Variants in SYT1 observed in about 807,000 individuals in gnomAD.
The protein encoded by SYT1 is synaptotagmin-1.
Under a neutral mutation model 44.8 loss-of-function variants are expected in SYT1, and 8 were observed. That is an observed-to-expected ratio of 0.18 (90% CI 0.10 to 0.32). The LOEUF (loss-of-function observed/expected upper bound fraction) is 0.32. SYT1 is among the 10% of genes least tolerant of loss of function. The probability of loss-of-function intolerance (pLI) is 1.00; values close to 1 mark genes in which losing one functional copy is unlikely to be tolerated. For missense variants in SYT1, 286 were observed against 509.3 expected, an observed-to-expected ratio of 0.56 and a Z score of 4.22; for synonymous variants, 154 against 188.8, an observed-to-expected ratio of 0.82 and a Z score of 1.51.
chr12:79,403,555 T>TG (rs1885143352), intron 9 of SYT1, among the ~76,000 whole-genome samples: 1 of 152,196 alleles, frequency 6.6e-6, no homozygotes, highest in Admixed American at 6.5e-5. Flanking sequence ...AATCTCATTC[T>TG]GGGGTGCTAA....
At chr12:79,031,209 G>T (rs1276385995) in intron 2 of SYT1, among the ~76,000 whole-genome samples, 1 of 150,916 alleles carries the variant, frequency 6.6e-6, no homozygotes, top group Non-Finnish European at 1.5e-5. Flanking sequence ...ACAATTATTT[G>T]ACTTCTCTCA....
intron 1 of SYT1, among the ~76,000 whole-genome samples, chr12:78,911,024 A>C (rs2137126298): frequency 6.6e-6 from 1 of 152,142 alleles, no homozygotes; most frequent in Non-Finnish European, 1.5e-5. Context: ...ATTTTGTTTA[A>C]GAGTAATGGA....
intron 3 of SYT1, among the ~76,000 whole-genome samples, chr12:79,132,690 A>C (rs1342841742): frequency 1.3e-5 from 2 of 150,658 alleles, no homozygotes; most frequent in East Asian, 1.9e-4. Context: ...AAAAAAAAAA[A>C]AAAAAAAAAA....
chr12:79,191,246 A>C (rs1873104960), intron 3 of SYT1, among the ~76,000 whole-genome samples: 1 of 152,094 alleles, frequency 6.6e-6, no homozygotes, highest in Non-Finnish European at 1.5e-5. Flanking sequence ...CATACCAATT[A>C]TAAAAATAAG....
intron 4 of SYT1, among the ~76,000 whole-genome samples, chr12:79,232,788 C>T (rs1342077036): frequency 6.6e-6 from 1 of 152,110 alleles, no homozygotes; most frequent in Non-Finnish European, 1.5e-5. Context: ...TATTATTCTC[C>T]TTTAGCTCAA....
At chr12:79,241,352 C>T (rs1019798044) in intron 4 of SYT1, among the ~76,000 whole-genome samples, 1 of 152,034 alleles carries the variant, frequency 6.6e-6, no homozygotes, top group Non-Finnish European at 1.5e-5. Context: ...CTCACTGCAA[C>T]CTCCACCTTC....
chr12:78,923,248 G>C (rs991935875), intron 1 of SYT1, among the ~76,000 whole-genome samples: 2 of 151,910 alleles, frequency 1.3e-5, no homozygotes, highest in African/African-American at 4.8e-5. Context: ...TTATTATTTT[G>C]ATAATTTTAA....
Position 78,931,179 on chromosome 12 carries a change from A to AAG in SYT1, c.-216-46619_-216-46618insGA, listed in dbSNP as rs1555181905. 8.2e-3 allele frequency among the ~76,000 whole-genome samples: 494 copies of AAG among 59,922 alleles called. 18 individuals are homozygous for AAG. The highest frequency in any genetic ancestry group is 0.025 in the East Asian group (40 of 1,622). 39.3% of individuals were successfully genotyped at this position (59,922 alleles called of 152,430 possible). Reference sequence around the variant, plus strand: ...GTCTGTGGAAAGAAAGAAAGAAAGAAAAAGAAAGAAAGAAAGAAAGAAAGA... The same window carrying AAG: ...GTCTGTGGAAAGAAAGAAAGAAAGAAAGAAAGAAAGAAAGAAAGAAAGAAAGA... On this transcript the variant is annotated intron_variant, in intron 1 of 10. Coordinates refer to ENST00000261205, the MANE Select transcript of SYT1 (RefSeq NM_005639.3).
At position 79,045,326 on chromosome 12, in the gene SYT1, C is replaced by T. The variant is rs922496656; in HGVS notation, c.-83-1971C>T. Among the ~76,000 whole-genome samples the T allele has an allele frequency of 2.6e-5, 4 of 151,980 alleles. No homozygotes were observed. The South Asian group carries it at 8.3e-4, about 32-fold the overall frequency. On this transcript the variant is annotated intron_variant, in intron 2 of 10. Coordinates refer to ENST00000261205, the MANE Select transcript of SYT1 (RefSeq NM_005639.3). ...AGGTGCGGGATATAATCTCGTGGTG[C>T]GCCATTTTTTAAGCCGGTCGGAAAA...
chr12:79,118,970 C>T (rs185316559), intron 3 of SYT1, among the ~76,000 whole-genome samples: 2 of 152,322 alleles, frequency 1.3e-5, no homozygotes, highest in African/African-American at 4.8e-5. Flanking sequence ...ACATATAATC[C>T]TTCACTTACC....
chr12:79,297,567 A>G (rs1378933700), intron 7 of SYT1, among the ~76,000 whole-genome samples: 2 of 152,102 alleles, frequency 1.3e-5, no homozygotes, highest in Non-Finnish European at 2.9e-5. Context: ...TAATTTTATT[A>G]GTAATTTCTA....
chr12:79,068,479 C>G lies in SYT1; in HGVS notation c.-18+21117C>G, dbSNP rs147584824. The stretch of plus-strand genomic sequence containing the variant: ...TCTGGGGATAAACTGTTCACATATG[C>G]GAAGTGGATAAATTCTTTCAGAGCT... On this transcript the variant is annotated intron_variant, in intron 3 of 10. Coordinates refer to ENST00000261205, the MANE Select transcript of SYT1 (RefSeq NM_005639.3). 6.7e-4 allele frequency among the ~76,000 whole-genome samples: 102 copies of G among 152,104 alleles called. 3 individuals carry two copies. In the South Asian group the frequency reaches 0.015, roughly 22 times the overall value.
chr12:78,954,459 C>A (rs1169013950), intron 1 of SYT1, among the ~76,000 whole-genome samples: 1 of 151,842 alleles, frequency 6.6e-6, no homozygotes, highest in Non-Finnish European at 1.5e-5. Context: ...TATTAAGTGA[C>A]AGTCTTCAGA....
chr12:79,399,611 T>C (rs1263862390), intron 9 of SYT1, among the ~76,000 whole-genome samples: 1 of 152,196 alleles, frequency 6.6e-6, no homozygotes, highest in Non-Finnish European at 1.5e-5. Context: ...TGATTGCTGA[T>C]GGATTTAGTT....
chr12:79,326,433 G>C (rs529307318), intron 8 of SYT1, among the ~76,000 whole-genome samples: 56 of 152,366 alleles, frequency 3.7e-4, no homozygotes, highest in African/African-American at 1.3e-3. Context: ...GCGGTCATTA[G>C]AGCAGAGCAG....
chr12:79,220,112 T>C (rs1390613368), intron 4 of SYT1, among the ~76,000 whole-genome samples: 1 of 152,068 alleles, frequency 6.6e-6, no homozygotes, highest in Non-Finnish European at 1.5e-5. Flanking sequence ...TACTGATCTA[T>C]TAAGATACTC....
intron 2 of SYT1, among the ~76,000 whole-genome samples, chr12:79,030,697 T>A (rs1281771450): frequency 6.6e-6 from 1 of 151,092 alleles, no homozygotes; most frequent in Non-Finnish European, 1.5e-5. Context: ...AAATAGTCTA[T>A]CAGCAAAATA....
chr12:78,961,714 C>T (rs1482689509), intron 1 of SYT1, among the ~76,000 whole-genome samples: 3 of 152,202 alleles, frequency 2.0e-5, no homozygotes, highest in Non-Finnish European at 4.4e-5. Flanking sequence ...GGCAGAAGGG[C>T]TCTTAGTACA....
At chr12:78,897,654 A>G (rs746585238) in intron 1 of SYT1, among the ~76,000 whole-genome samples, 8 of 152,104 alleles carry the variant, frequency 5.3e-5, no homozygotes, top group Non-Finnish European at 1.0e-4. Context: ...TAACTTATTA[A>G]GTGCTACAGG....
Sources: allele counts gnomAD v4.1 joint callset (sites outside exome capture counted in the v4.1 genomes callset), GRCh38; gene constraint gnomAD v4.1.1; transcripts MANE v1.5; gene names NCBI Gene and HGNC (gene_info 2026-07-23, HGNC 2026-07-21).